The following UBAP2L variants were observed in gnomAD, a reference collection of about 807,000 sequenced individuals.
UBAP2L encodes the protein ubiquitin associated protein 2 like.
UBAP2L carries 12 observed loss-of-function variants against 130.6 expected under a neutral mutation model. The ratio of observed to expected loss-of-function variants is 0.09; its 90% CI spans 0.06 to 0.15. The LOEUF (loss-of-function observed/expected upper bound fraction) is 0.15, where lower values mean the gene tolerates loss of function less well. Among genes scored for constraint, UBAP2L ranks in the 10% least tolerant of loss-of-function variants. The pLI is 1.00. For synonymous variants in UBAP2L, 503 were observed against 524.7 expected (o/e 0.96, Z 0.57); for missense variants, 965 against 1,332.5 (o/e 0.72, Z 4.29).
chr1:154,225,845 G>A (rs1667754498), intron 2 of UBAP2L, among the ~76,000 whole-genome samples: 2 of 152,134 alleles, frequency 1.3e-5, no homozygotes, highest in South Asian at 2.1e-4. Context: ...ACGGAGTCTC[G>A]CTCTGTTGCC....
Position 154,251,706 on chromosome 1 carries a change from T to TAAA in UBAP2L, c.1664+55_1664+56insAAA. On this transcript the variant is annotated intron_variant, in intron 14 of 26. Coordinates refer to ENST00000428931, the MANE Select transcript of UBAP2L (RefSeq NM_014847.4). ...CTCTTATTAACCTTTACTACTTTTT[T>TAAA]AATCTGTGGGAGATTTCTAGAACTC... 3.1e-6 allele frequency: 5 copies of TAAA among 1,596,390 alleles called. No individual in the cohort carries two copies. In the South Asian group the frequency reaches 5.6e-5, roughly 18 times the overall value.
At chr1:154,250,343 C>T (rs1677115904) in intron 12 of UBAP2L, among the ~76,000 whole-genome samples, 2 of 125,296 alleles carry the variant, frequency 1.6e-5, no homozygotes. Flanking sequence ...TGAGCCATTG[C>T]ACCTGGCCAT....
intron 10 of UBAP2L, among the ~76,000 whole-genome samples, chr1:154,244,208 A>C (rs1674569647): frequency 6.6e-6 from 1 of 152,186 alleles, no homozygotes; most frequent in Non-Finnish European, 1.5e-5. Flanking sequence ...AACTACCCAG[A>C]GTTAATGCAG....
chr1:154,253,716 T>C (rs2148920511), intron 14 of UBAP2L, among the ~76,000 whole-genome samples, 184 bp from the exon 15 acceptor site: 1 of 152,298 alleles, frequency 6.6e-6, no homozygotes, highest in South Asian at 2.1e-4. Context: ...TCTCTGGCGC[T>C]ATAGAAGGTA....
At position 154,225,147 on chromosome 1, in the gene UBAP2L, C is replaced by T. The variant is rs1667511023; in HGVS notation, c.24C>T (p.Asn8=). Residue 8 remains asparagine, a synonymous_variant, in exon 2 of 27, where the codon AAC becomes AAT. Coordinates refer to ENST00000428931, the MANE Select transcript of UBAP2L (RefSeq NM_014847.4). The part of the protein sequence containing the change: MMTSVGT[N]RARGNWEQPQ... Reference sequence around the variant, plus strand: ...AAATGATGACATCGGTGGGCACTAACCGAGCCCGGGGAAACTGGGAACAAC... The same window carrying T: ...AAATGATGACATCGGTGGGCACTAATCGAGCCCGGGGAAACTGGGAACAAC... The T allele has an allele frequency of 2.5e-6, 4 of 1,613,972 alleles. No individual in the cohort carries two copies. The highest frequency in any genetic ancestry group is 3.4e-6 in the Non-Finnish European group (4 of 1,180,004).
chr1:154,237,222 AG>A (rs1407090940), intron 8 of UBAP2L, 86 bp downstream of exon 8: 3 of 1,242,748 alleles, frequency 2.4e-6, no homozygotes, highest in Non-Finnish European at 3.5e-6. Context: ...AAAACGTGGA[AG>A]AATAGTGTTT....
At chr1:154,244,229 T>G (rs1388912386) in intron 10 of UBAP2L, among the ~76,000 whole-genome samples, 2 of 152,176 alleles carry the variant, frequency 1.3e-5, no homozygotes, top group African/African-American at 4.8e-5. Context: ...ACCCCACAAG[T>G]TGAAAGCTCA....
chr1:154,266,525 C>T lies in UBAP2L; in HGVS notation c.2927C>T (p.Thr976Met), dbSNP rs1390867551. Residue 976 changes from threonine to methionine, a missense_variant, in exon 25 of 27, where the codon ACG becomes ATG. Thr to Met is a moderately conservative substitution (Grantham distance 81). This residue lies in a region of UBAP2L where 194 missense variants were observed against 334.0 expected (regional missense o/e 0.58). Coordinates refer to ENST00000428931, the MANE Select transcript of UBAP2L (RefSeq NM_014847.4). ...GGTGTTTCAGTCACCTCCAGTAACA[C>T]GGGCGTGCCAGATATCTCGGGTTCT... ...NTGVSVTSSN[T>M]GVPDISGSVY... 9 of 1,614,072 alleles carry T rather than the reference C, an allele frequency of 5.6e-6. No homozygotes were observed. The highest frequency in any genetic ancestry group is 7.6e-6 in the Non-Finnish European group (9 of 1,180,040).
intron 24 of UBAP2L, chr1:154,263,568 A>G (rs932428261): frequency 1.0e-5 from 10 of 957,026 alleles, no homozygotes; most frequent in Non-Finnish European, 1.2e-5. Flanking sequence ...CTGTGGATGA[A>G]GGGTGGAGGG....
At chr1:154,250,996 AT>A (rs1448024949) in intron 12 of UBAP2L, 44 bp from the exon 13 acceptor site, 1 of 1,562,502 alleles carries the variant, frequency 6.4e-7, no homozygotes, top group Non-Finnish European at 8.7e-7. Flanking sequence ...TTTCCTTGAG[AT>A]TCATTAGCAT....
chr1:154,227,184 A>T, intron 2 of UBAP2L, 98 bp from the exon 3 acceptor site: 2 of 1,015,070 alleles, frequency 2.0e-6, no homozygotes, highest in Non-Finnish European at 3.1e-6. Context: ...TGTTACAAGG[A>T]AAAGAAAATT....
intron 4 of UBAP2L, among the ~76,000 whole-genome samples, chr1:154,232,279 G>A (rs12049162): frequency 4.0e-5 from 6 of 150,146 alleles, no homozygotes; most frequent in South Asian, 2.1e-4. Context: ...AGCCGAGATC[G>A]CACCACTGCA....
At chr1:154,264,403 GC>G (rs1470759157) in intron 24 of UBAP2L, among the ~76,000 whole-genome samples, 1 of 152,144 alleles carries the variant, frequency 6.6e-6, no homozygotes, top group Non-Finnish European at 1.5e-5. Context: ...TGGAAGGAAA[GC>G]AAGAGAACTC....
chr1:154,267,442 T>C (rs1332021285), intron 25 of UBAP2L, among the ~76,000 whole-genome samples: 1 of 151,674 alleles, frequency 6.6e-6, no homozygotes, highest in East Asian at 1.9e-4. Flanking sequence ...CGTGAGCCAC[T>C]GCACCCAGCG....
intron 24 of UBAP2L, among the ~76,000 whole-genome samples, chr1:154,262,339 T>G (rs541961585): frequency 1.4e-4 from 22 of 152,326 alleles, no homozygotes; most frequent in African/African-American, 4.6e-4. Flanking sequence ...AGGAATCCTC[T>G]GGATGGGTAC....
At position 154,270,757 on chromosome 1, in the gene UBAP2L, T is replaced by A; in HGVS notation, c.*462T>A. 2 of 1,402,122 alleles carry A rather than the reference T, an allele frequency of 1.4e-6. No individual in the cohort carries two copies. The highest frequency in any genetic ancestry group is 1.9e-6 in the Non-Finnish European group (2 of 1,080,910). 86.9% of individuals were successfully genotyped at this position (1,402,122 alleles called of 1,614,324 possible). A position where few individuals can be genotyped will look rare whatever the true frequency, so the allele number is the denominator to read the frequency against. ...GCATTGTCAGATGAATTAGTTGAAG[T>A]GGTTTTTTTTTTGTTTTTTTTTTTT... On this transcript the variant is annotated 3_prime_UTR_variant, in exon 27 of 27. Coordinates refer to ENST00000428931, the MANE Select transcript of UBAP2L (RefSeq NM_014847.4).
At chr1:154,221,248 G>A (rs1260069008) in intron 1 of UBAP2L, 1 of 152,828 alleles carries the variant, frequency 6.5e-6, no homozygotes, top group Non-Finnish European at 1.5e-5. Flanking sequence ...TCGCGGCCTA[G>A]TGGGCCGCGC....
At chr1:154,253,053 G>T (rs561101669) in intron 14 of UBAP2L, among the ~76,000 whole-genome samples, 11 of 150,956 alleles carry the variant, frequency 7.3e-5, no homozygotes, top group African/African-American at 2.7e-4. Flanking sequence ...ACACAGGCTG[G>T]AGTGCAATGG....
Position 154,270,760 on chromosome 1 carries a change from TTTTTTTTTTG to T in UBAP2L, c.*475_*484del, listed in dbSNP as rs2149130495. 5.0e-6 allele frequency: 6 copies of T among 1,210,126 alleles called. No individual in the cohort carries two copies. The highest frequency in any genetic ancestry group is 4.0e-5 in the Admixed American group (1 of 25,260). The allele number at this position is 1,210,126 out of a possible 1,614,324, so 75.0% of individuals were successfully genotyped here. On this transcript the variant is annotated 3_prime_UTR_variant, in exon 27 of 27. Transcript: ENST00000428931. ...TTGTCAGATGAATTAGTTGAAGTGG[TTTTTTTTTTG>T]TTTTTTTTTTTTTTTTGTACTGTGT...
Sources: allele counts gnomAD v4.1 joint callset (sites outside exome capture counted in the v4.1 genomes callset), GRCh38; gene constraint gnomAD v4.1.1; regional missense constraint gnomAD v4.1.1; transcripts MANE v1.5; gene names NCBI Gene and HGNC (gene_info 2026-07-23, HGNC 2026-07-21).